NOX3: variants seen among roughly 807,000 people sequenced by gnomAD.
The protein encoded by NOX3 is NADPH oxidase 3, also known as NADPH oxidase catalytic subunit-like 3.
A neutral mutation model predicts 76.7 loss-of-function variants in NOX3; 74 were observed. The observed-to-expected ratio is 0.96, with a 90% CI of 0.80 to 1.17. The LOEUF (loss-of-function observed/expected upper bound fraction) is 1.17, where lower values mean the gene tolerates loss of function less well. Among genes scored for constraint, NOX3 ranks in the 50% most tolerant of loss-of-function variants. NOX3 has a pLI of 0.00. For missense variants in NOX3, 695 were observed against 703.3 expected (o/e 0.99, Z 0.13); for synonymous variants, 263 against 261.1 (o/e 1.01, Z -0.07).
intron 12 of NOX3, among the ~76,000 whole-genome samples, chr6:155,405,441 T>G (rs1324459079): frequency 6.6e-6 from 1 of 152,130 alleles, no homozygotes; most frequent in Non-Finnish European, 1.5e-5. Flanking sequence ...GCCTGTCTGG[T>G]CATCTCATCC....
intron 12 of NOX3, among the ~76,000 whole-genome samples, chr6:155,402,597 C>T (rs1779246127): frequency 1.3e-5 from 2 of 151,996 alleles, no homozygotes; most frequent in Admixed American, 1.3e-4. Flanking sequence ...TTGCAATTTT[C>T]TGGTTCCTTT....
chr6:155,410,813 G>T (rs552528622), intron 11 of NOX3, among the ~76,000 whole-genome samples: 2 of 152,240 alleles, frequency 1.3e-5, no homozygotes, highest in South Asian at 4.1e-4. Flanking sequence ...AAACACCTAG[G>T]AATCTTTTTT....
At chr6:155,433,465 G>A (rs947510447) in intron 7 of NOX3, among the ~76,000 whole-genome samples, 3 of 152,194 alleles carry the variant, frequency 2.0e-5, no homozygotes, top group South Asian at 2.1e-4. Context: ...TGGCCTTGGG[G>A]CCACCACCCC....
rs374486371 is a variant in NOX3, at chr6:155,443,314, G to A, written c.445C>T (p.Pro149Ser). 155 of 1,613,976 alleles carry A rather than the reference G, an allele frequency of 9.6e-5. No individual in the cohort carries two copies. The highest frequency in any genetic ancestry group is 1.2e-4 in the Non-Finnish European group (147 of 1,180,010). ...ACAGGGTTGAGGTAGCTCTCGTTAGGGGTGTTGCCCAGCTTGGAAAGTGCG... is the reference window on the plus strand; with the variant it reads ...ACAGGGTTGAGGTAGCTCTCGTTAGAGGTGTTGCCCAGCTTGGAAAGTGCG... ...LAALSKLGNT[P>S]NESYLNPVRT... Residue 149 changes from proline (P) to serine (S), a missense_variant, in exon 5 of 14, where the codon CCT (proline) becomes TCT (serine). By Grantham distance (74) the Pro-to-Ser change is moderately conservative. Transcript: ENST00000159060.
chr6:155,432,860 G>A (rs534539149), intron 7 of NOX3, among the ~76,000 whole-genome samples: 78 of 152,180 alleles, frequency 5.1e-4, no homozygotes, highest in Non-Finnish European at 1.0e-3. Context: ...TCTAGGAAGC[G>A]TCCCTGGGAA....
chr6:155,442,078 C>T (rs1776997492), intron 5 of NOX3, among the ~76,000 whole-genome samples: 1 of 152,122 alleles, frequency 6.6e-6, no homozygotes, highest in Non-Finnish European at 1.5e-5. Flanking sequence ...TCCTGGCTAA[C>T]ACAGTGAAAC....
intron 12 of NOX3, among the ~76,000 whole-genome samples, chr6:155,400,641 CT>C (rs5881132): frequency 0.55 from 80,250 of 145,968 alleles, 22,369 homozygotes; most frequent in East Asian, 0.91. Flanking sequence ...TGCTGGCCAG[CT>C]TTTTTTTTTT....
Position 155,407,253 on chromosome 6 carries a change from G to A in NOX3, c.1457C>T (p.Ala486Val), listed in dbSNP as rs1389005784. ...GTCCCAGTGTAAAGCTATGTGAAGA[G>A]CCTAAAGTAAATTTGTGGCATTAGA... ...IFLTGWDENQ[A>V]LHIALHWDEN... Residue 486 changes from alanine (A) to valine (V), a missense_variant and splice_region_variant, in exon 12 of 14, where the codon GCT becomes GTT. Ala to Val is a moderately conservative substitution (Grantham distance 64, BLOSUM62 0). Transcript: ENST00000159060. 1 of 1,609,652 alleles carries A rather than the reference G, an allele frequency of 6.2e-7. No individual in the cohort carries two copies. Among genetic ancestry groups the A allele is most frequent in the Non-Finnish European group, 8.5e-7 (1 of 1,177,962 alleles).
intron 6 of NOX3, among the ~76,000 whole-genome samples, chr6:155,437,412 G>A (rs1215470100): frequency 6.6e-6 from 1 of 152,146 alleles, no homozygotes; most frequent in Non-Finnish European, 1.5e-5. Context: ...TTATGTCCTG[G>A]ACAGCCTGTG....
chr6:155,447,351 G>C (rs988618677), intron 4 of NOX3, among the ~76,000 whole-genome samples: 1 of 152,130 alleles, frequency 6.6e-6, no homozygotes, highest in Non-Finnish European at 1.5e-5. Flanking sequence ...ATTTTATAAC[G>C]TTCTTCTTCT....
chr6:155,416,744 CTTTTTT>C (rs534711414), intron 10 of NOX3, among the ~76,000 whole-genome samples: 64 of 92,532 alleles, frequency 6.9e-4, no homozygotes, highest in Non-Finnish European at 1.1e-3. Flanking sequence ...CTGAAACATT[CTTTTTT>C]TTTTTTTTTT....
At chr6:155,445,892 T>G (rs564687850) in intron 4 of NOX3, among the ~76,000 whole-genome samples, 1,802 of 126,576 alleles carry the variant, frequency 0.014, 42 homozygotes, top group African/African-American at 0.047. Context: ...ATATGCTATA[T>G]ATATATATTA....
intron 12 of NOX3, among the ~76,000 whole-genome samples, chr6:155,399,532 G>T (rs1779191978): frequency 6.6e-6 from 1 of 152,118 alleles, no homozygotes; most frequent in African/African-American, 2.4e-5. Context: ...TCTACCTTCT[G>T]CTAAGGTGGA....
intron 12 of NOX3, among the ~76,000 whole-genome samples, chr6:155,406,335 C>T (rs1776458241): frequency 6.6e-6 from 1 of 152,216 alleles, no homozygotes; most frequent in Non-Finnish European, 1.5e-5. Flanking sequence ...AATAAGCTGC[C>T]TCTTCCAAGG....
At chr6:155,455,441 G>A (rs1284199583) in intron 1 of NOX3, among the ~76,000 whole-genome samples, 1 of 152,150 alleles carries the variant, frequency 6.6e-6, no homozygotes, top group Non-Finnish European at 1.5e-5. Context: ...ACAACTCCGA[G>A]AGTTCTCTAG....
chr6:155,401,869 G>T (rs1446016288), intron 12 of NOX3, among the ~76,000 whole-genome samples: 5 of 151,610 alleles, frequency 3.3e-5, no homozygotes, highest in Non-Finnish European at 7.4e-5. Flanking sequence ...AAAAGGCGTG[G>T]TGAAGTTATT....
chr6:155,437,633 G>A (rs889826288), intron 6 of NOX3, among the ~76,000 whole-genome samples: 5 of 152,200 alleles, frequency 3.3e-5, no homozygotes, highest in Non-Finnish European at 7.3e-5. Flanking sequence ...CCAGACATAG[G>A]CAGGGTGAAT....
chr6:155,411,155 T>G (rs1776544246), intron 11 of NOX3, 59 bp downstream of exon 11: 1 of 1,450,270 alleles, frequency 6.9e-7, no homozygotes, highest in Admixed American at 1.9e-5. Flanking sequence ...TTGAAATTGT[T>G]CCTCATTGCT....
At chr6:155,438,959 G>A (rs1430939998) in intron 6 of NOX3, among the ~76,000 whole-genome samples, 1 of 152,186 alleles carries the variant, frequency 6.6e-6, no homozygotes, top group Non-Finnish European at 1.5e-5. Flanking sequence ...TCCTAAAATG[G>A]AAGACTTGTT....
Sources: allele counts gnomAD v4.1 joint callset (sites outside exome capture counted in the v4.1 genomes callset), GRCh38; gene constraint gnomAD v4.1.1; transcripts MANE v1.5; gene names NCBI Gene and HGNC (gene_info 2026-07-23, HGNC 2026-07-21).